Variants in RAB3GAP2 observed in about 807,000 individuals in gnomAD.
The protein encoded by RAB3GAP2 is RAB3 GTPase activating non-catalytic protein subunit 2.
RAB3GAP2 carries 87 observed loss-of-function variants against 185.3 expected under a neutral mutation model. That is an observed-to-expected ratio of 0.47 (90% CI 0.39 to 0.56). RAB3GAP2 has a LOEUF of 0.56. Among genes scored for constraint, RAB3GAP2 ranks in the 20% least tolerant of loss-of-function variants. The probability of loss-of-function intolerance (pLI) is 0.00; values close to 1 mark genes in which losing one functional copy is unlikely to be tolerated. For missense variants in RAB3GAP2, 1,492 were observed against 1,638.2 expected, an observed-to-expected ratio of 0.91 and a Z score of 1.54; for synonymous variants, 554 against 576.1, an observed-to-expected ratio of 0.96 and a Z score of 0.55.
In RAB3GAP2 at chr1:220,158,604, C is replaced by T. The variant is rs1279136075; in HGVS notation, c.3262-728G>A. ...TACAGGCGCCCACCACCATGCCTGG[C>T]TAGTTTTTCTATTTTTAGTAGAGAT... On this transcript the variant is annotated intron_variant, in intron 29 of 34. Transcript: ENST00000358951. This position sits in a 1 kb window ranked among gnomAD's most constrained non-coding sequence, Gnocchi z 4.3. Among the ~76,000 whole-genome samples, 1 of 152,042 alleles carries T rather than the reference C, an allele frequency of 6.6e-6. No homozygotes were observed. Among genetic ancestry groups the T allele is most frequent in the Non-Finnish European group, 1.5e-5 (1 of 68,016 alleles).
In RAB3GAP2 at chr1:220,149,469, A is replaced by G. The variant is rs1657701239; in HGVS notation, c.*1782T>C. ...TTCTTTAAAAATACCTATAACTCCAAGTTTCTTTGACTAGCCTCCTTAAGT... is the reference window on the plus strand; with the variant it reads ...TTCTTTAAAAATACCTATAACTCCAGGTTTCTTTGACTAGCCTCCTTAAGT... On this transcript the variant is annotated 3_prime_UTR_variant, in exon 35 of 35. Transcript: ENST00000358951. The G allele has an allele frequency of 6.6e-6, 1 of 152,232 alleles. No individual in the cohort carries two copies. The highest frequency in any genetic ancestry group is 6.5e-5 in the Admixed American group (1 of 15,274). 9.4% of individuals were successfully genotyped at this position (152,232 alleles called of 1,614,324 possible).
In RAB3GAP2 at chr1:220,189,738, T is replaced by C. The variant is rs1315001236; in HGVS notation, c.1744A>G (p.Ile582Val). The C allele has an allele frequency of 1.2e-5, 19 of 1,539,870 alleles. No homozygotes were observed. Among genetic ancestry groups the C allele is most frequent in the Non-Finnish European group, 1.7e-5 (19 of 1,126,568 alleles). The stretch of plus-strand genomic sequence containing the variant: ...GTTGCAGGGTATTTAATATCAAGAA[T>C]TAATTCCTTTATTTCTGTTTCAACC... ...DLVETEIKELILDIKYPATKK... is the reference protein window; with the variant it reads ...DLVETEIKELVLDIKYPATKK... The change falls in exon 17 of 35, where the codon ATT (isoleucine) becomes GTT (valine). Residue 582 changes from isoleucine to valine, a missense_variant. Ile to Val is a conservative substitution (Grantham distance 29). Transcript: ENST00000358951.
intron 1 of RAB3GAP2, among the ~76,000 whole-genome samples, chr1:220,243,674 T>C (rs1396955483): frequency 6.6e-6 from 1 of 152,226 alleles, no homozygotes; most frequent in African/African-American, 2.4e-5. Context: ...TATGATGCTG[T>C]CACTGGTCGT....
chr1:220,182,429 T>A, intron 20 of RAB3GAP2, 75 bp from the exon 21 acceptor site: 1 of 1,591,314 alleles, frequency 6.3e-7, no homozygotes, highest in Non-Finnish European at 8.5e-7. Flanking sequence ...TGAATCACAA[T>A]CTGGAATTCC....
chr1:220,168,501 G>C (rs1658113855), intron 24 of RAB3GAP2, among the ~76,000 whole-genome samples: 1 of 152,012 alleles, frequency 6.6e-6, no homozygotes, highest in African/African-American at 2.4e-5. Context: ...AGGTACAAGG[G>C]ATTATCCTGT....
chr1:220,190,931 C>A, intron 14 of RAB3GAP2, 137 bp downstream of exon 14: 1 of 872,152 alleles, frequency 1.1e-6, no homozygotes, highest in Admixed American at 2.0e-5. Context: ...CAGGCACTCA[C>A]AGGAAAAACC....
At chr1:220,214,775 A>T (rs1265972113) in intron 2 of RAB3GAP2, among the ~76,000 whole-genome samples, 1 of 151,580 alleles carries the variant, frequency 6.6e-6, no homozygotes, top group Admixed American at 6.6e-5. Context: ...ATGGTTAAAA[A>T]TTCAACAGCT....
intron 1 of RAB3GAP2, among the ~76,000 whole-genome samples, chr1:220,240,503 G>A (rs760786247): frequency 4.6e-5 from 7 of 151,810 alleles, no homozygotes; most frequent in Non-Finnish European, 8.8e-5. Context: ...TTGCATTAAA[G>A]ATTTCATTTG....
chr1:220,170,408 A>T (rs1658152219), intron 24 of RAB3GAP2, among the ~76,000 whole-genome samples: 1 of 152,170 alleles, frequency 6.6e-6, no homozygotes, highest in South Asian at 2.1e-4. Context: ...CCATAACTTA[A>T]AGTATAATAA....
intron 2 of RAB3GAP2, among the ~76,000 whole-genome samples, chr1:220,221,101 G>A (rs1189461305): frequency 6.6e-6 from 1 of 152,138 alleles, no homozygotes; most frequent in Non-Finnish European, 1.5e-5. Flanking sequence ...GTGCATCTGA[G>A]ACTGGGTTTA....
intron 1 of RAB3GAP2, among the ~76,000 whole-genome samples, chr1:220,237,980 T>C (rs1354657832): frequency 6.6e-6 from 1 of 152,124 alleles, no homozygotes; most frequent in East Asian, 1.9e-4. Flanking sequence ...AATGCAAAAT[T>C]ATTGGTGAGA....
intron 1 of RAB3GAP2, among the ~76,000 whole-genome samples, chr1:220,241,034 T>G (rs1360129595): frequency 6.6e-6 from 1 of 152,070 alleles, no homozygotes; most frequent in Non-Finnish European, 1.5e-5. Flanking sequence ...AGAAAACATA[T>G]TTTAATCAAT....
intron 15 of RAB3GAP2, 44 bp downstream of exon 15, chr1:220,190,333 A>T (rs367576387): frequency 7.5e-5 from 121 of 1,613,206 alleles, no homozygotes; most frequent in Non-Finnish European, 1.0e-4. Flanking sequence ...AACTAGGAAA[A>T]GTTAGCAGAG....
chr1:220,243,330 G>A (rs1328114814), intron 1 of RAB3GAP2, among the ~76,000 whole-genome samples: 2 of 149,812 alleles, frequency 1.3e-5, no homozygotes, highest in Non-Finnish European at 3.0e-5. Flanking sequence ...CTCCAGCCTG[G>A]GTGACAGAGA....
At chr1:220,221,788 TGTA>T (rs745478023) in intron 2 of RAB3GAP2, among the ~76,000 whole-genome samples, 1 of 152,244 alleles carries the variant, frequency 6.6e-6, no homozygotes, top group Non-Finnish European at 1.5e-5. Flanking sequence ...ACAATAAAAT[TGTA>T]GTAATTAAAT....
chr1:220,193,782 G>T (rs964817332), intron 12 of RAB3GAP2, among the ~76,000 whole-genome samples: 5 of 152,204 alleles, frequency 3.3e-5, no homozygotes, highest in African/African-American at 1.2e-4. Context: ...ATGACATCCT[G>T]CTGACACCAA....
intron 21 of RAB3GAP2, among the ~76,000 whole-genome samples, chr1:220,173,760 C>T (rs1658223276): frequency 6.6e-6 from 1 of 152,156 alleles, no homozygotes; most frequent in East Asian, 1.9e-4. Context: ...AATTGACACA[C>T]CTGTAATCCC....
At chr1:220,214,586 G>A (rs1659150234) in intron 2 of RAB3GAP2, among the ~76,000 whole-genome samples, 1 of 151,830 alleles carries the variant, frequency 6.6e-6, no homozygotes, top group Admixed American at 6.6e-5. Flanking sequence ...AGGAAATTTA[G>A]TGAATAATCC....
chr1:220,223,887 A>C (rs1319519056), intron 2 of RAB3GAP2, among the ~76,000 whole-genome samples: 2 of 151,596 alleles, frequency 1.3e-5, no homozygotes, highest in Non-Finnish European at 2.9e-5. Flanking sequence ...CAACATGGTA[A>C]GACCCCATCT....
Sources: gnomAD v4.1 joint callset for allele counts (sites outside exome capture counted in the v4.1 genomes callset) on GRCh38, gnomAD v4.1.1 for gene constraint, Gnocchi (gnomAD v3.1) non-coding constraint, MANE v1.5 for transcripts, NCBI Gene and HGNC (gene_info 2026-07-23, HGNC 2026-07-21) for gene names.